The following DMD variants were observed in gnomAD, a reference collection of about 807,000 sequenced individuals.
DMD encodes mutant dystrophin.
DMD carries 63 observed loss-of-function variants against 330.1 expected under a neutral mutation model. That is an observed-to-expected ratio of 0.19 (90% CI 0.16 to 0.24). The LOEUF is 0.24. DMD is among the 10% of genes least tolerant of loss of function. The pLI, the probability that DMD is intolerant of heterozygous loss-of-function variation, is 1.00. For synonymous variants in DMD, 1,223 were observed against 959.8 expected, an observed-to-expected ratio of 1.27 and a Z score of -5.07; for missense variants, 3,344 against 2,684.1, an observed-to-expected ratio of 1.25 and a Z score of -5.43.
At chrX:33,001,162 C>T (rs1477153827) in intron 2 of DMD, among the ~76,000 whole-genome samples, 5 of 111,640 alleles carry the variant, frequency 4.5e-5, no homozygotes, top group Non-Finnish European at 9.4e-5. Context: ...ACTTCAGTCC[C>T]TGCCAGAACA....
At chrX:32,320,777 C>T (rs889701967) in intron 41 of DMD, among the ~76,000 whole-genome samples, 2 of 111,461 alleles carry the variant, frequency 1.8e-5, no homozygotes, top group East Asian at 2.8e-4. Flanking sequence ...TAAAATATAA[C>T]AATGTGTTCT....
At chrX:32,437,336 T>C (rs930848967) in intron 29 of DMD, among the ~76,000 whole-genome samples, 21 of 111,910 alleles carry the variant, frequency 1.9e-4, no homozygotes, top group African/African-American at 6.8e-4. Context: ...TCTTCAGAAT[T>C]GGATAGAGAA....
intron 44 of DMD, among the ~76,000 whole-genome samples, chrX:32,196,986 CAAAAAAAAAAAA>C (rs71872245): frequency 1.4e-4 from 7 of 49,640 alleles, no homozygotes; most frequent in East Asian, 6.3e-4. Flanking sequence ...GACTCCATCT[CAAAAAAAAAAAA>C]AAAAAAACAA....
In DMD at chrX:32,345,926, A is replaced by T. The variant is rs749060387; in HGVS notation, c.5586+17T>A. On this transcript the variant is annotated intron_variant, in intron 39 of 78. Coordinates refer to ENST00000357033, the MANE Select transcript of DMD (RefSeq NM_004006.3). ...AAAAACCACAGGCAAGGTATATTAT[A>T]ATTTTAGCTCTAATACCTTGAGAGC... The T allele has an allele frequency of 3.2e-5, 39 of 1,203,702 alleles. No individual in the cohort carries two copies. The highest frequency in any genetic ancestry group is 4.4e-5 in the Non-Finnish European group (39 of 891,755).
At chrX:33,226,304 C>G (rs750835064) in intron 1 of DMD, among the ~76,000 whole-genome samples, 20 of 111,477 alleles carry the variant, frequency 1.8e-4, no homozygotes, top group African/African-American at 5.5e-4. Flanking sequence ...TAGGCAGAAA[C>G]TGGAAACAAC....
rs773846462 is a variant in DMD, at chrX:32,396,262, G to C, written c.4234-6081C>G. ...TATACATATTTCCATTAAATAGTTA[G>C]AAAAACTGTTGAGGATGAGCTTCTG... On this transcript the variant is annotated intron_variant, in intron 30 of 78. Transcript: ENST00000357033. Among the ~76,000 whole-genome samples, 5 of 111,236 alleles carry C rather than the reference G, an allele frequency of 4.5e-5. No individual in the cohort carries two copies. The East Asian group carries it at 1.4e-3, about 32-fold the overall frequency.
chrX:31,538,735 G>A (rs1398549281), intron 55 of DMD, among the ~76,000 whole-genome samples: 2 of 111,056 alleles, frequency 1.8e-5, no homozygotes, highest in African/African-American at 3.3e-5. Context: ...CTTATATATC[G>A]TAAATCTAGA....
intron 13 of DMD, among the ~76,000 whole-genome samples, 165 bp from the exon 14 acceptor site, chrX:32,574,011 G>A (rs1290800538): frequency 8.9e-6 from 1 of 112,192 alleles, no homozygotes; most frequent in Admixed American, 9.5e-5. Context: ...TGGTGTGACT[G>A]TCATTTGTCT....
intron 62 of DMD, among the ~76,000 whole-genome samples, chrX:31,317,941 G>A (rs763171360): frequency 8.9e-6 from 1 of 112,200 alleles, no homozygotes; most frequent in Non-Finnish European, 1.9e-5. Context: ...TGCTGTTAAG[G>A]CTAAGATGTA....
intron 55 of DMD, among the ~76,000 whole-genome samples, chrX:31,622,571 C>T (rs1280768840): frequency 9.1e-6 from 1 of 109,876 alleles, no homozygotes; most frequent in Non-Finnish European, 1.9e-5. Context: ...GTCATCAGAG[C>T]TCTGTCTCTC....
chrX:31,960,916 T>G (rs1046193762), intron 45 of DMD, among the ~76,000 whole-genome samples: 1 of 111,928 alleles, frequency 8.9e-6, no homozygotes, highest in Non-Finnish European at 1.9e-5. Flanking sequence ...ATCTGTATGA[T>G]TCTCTCTGAT....
At chrX:31,181,466 AG>A (rs1459974316) in intron 68 of DMD, among the ~76,000 whole-genome samples, 2 of 111,652 alleles carry the variant, frequency 1.8e-5, no homozygotes, top group Non-Finnish European at 3.8e-5. Context: ...TTGTATACAA[AG>A]CCCACTAGCT....
At chrX:32,662,720 A>G (rs758001145) in intron 9 of DMD, among the ~76,000 whole-genome samples, 16 of 111,878 alleles carry the variant, frequency 1.4e-4, no homozygotes, top group Non-Finnish European at 3.0e-4. Context: ...TTCACAGCTC[A>G]TTAGTACCTC....
chrX:33,178,791 C>T (rs1254384794), intron 1 of DMD, among the ~76,000 whole-genome samples: 3 of 111,944 alleles, frequency 2.7e-5, no homozygotes, highest in African/African-American at 9.8e-5. Context: ...TTTACTGCTG[C>T]GTTTCTTTGA....
chrX:32,515,294 G>A (rs935883264), intron 18 of DMD, among the ~76,000 whole-genome samples: 1 of 111,374 alleles, frequency 9.0e-6, no homozygotes, highest in African/African-American at 3.3e-5. Context: ...ATATAGACTC[G>A]AGGTACCTAT....
intron 50 of DMD, among the ~76,000 whole-genome samples, chrX:31,801,591 C>A (rs957744607): frequency 0.038 from 2,535 of 67,599 alleles, 105 homozygotes; most frequent in African/African-American, 0.13. Context: ...CCCCCCCCCC[C>A]AACACACACA....
intron 49 of DMD, among the ~76,000 whole-genome samples, chrX:31,833,287 AGAGAGG>A (rs752737709): frequency 5.4e-4 from 6 of 11,040 alleles, no homozygotes; most frequent in Middle Eastern, 0.027. Context: ...AGAGAGAGAG[AGAGAGG>A]GAGAGAGGGA....
At chrX:32,440,625 T>C (rs1275545776) in intron 28 of DMD, among the ~76,000 whole-genome samples, 2 of 111,711 alleles carry the variant, frequency 1.8e-5, no homozygotes, top group South Asian at 3.7e-4. Context: ...GTCAAGTTTA[T>C]AAATGCAAAC....
intron 62 of DMD, among the ~76,000 whole-genome samples, chrX:31,292,876 T>C (rs2053809062): frequency 9.0e-6 from 1 of 111,280 alleles, no homozygotes; most frequent in African/African-American, 3.3e-5. Context: ...TCCATTTTTA[T>C]AGAGTTCAAA....
Sources: gnomAD v4.1 joint callset for allele counts (sites outside exome capture counted in the v4.1 genomes callset) on GRCh38, gnomAD v4.1.1 for gene constraint, MANE v1.5 for transcripts, NCBI Gene and HGNC (gene_info 2026-07-23, HGNC 2026-07-21) for gene names.